RNF135: variants seen among roughly 807,000 people sequenced by gnomAD.
The protein encoded by RNF135 is ring finger protein 135, also known as E3 ubiquitin-protein ligase RNF135.
RNF135 carries 46 observed loss-of-function variants against 41.9 expected under a neutral mutation model. The observed-to-expected ratio is 1.10, with a 90% CI of 0.87 to 1.40. RNF135 has a LOEUF of 1.40. RNF135 is among the 40% of genes most tolerant of loss of function. The pLI is 0.00. For synonymous variants in RNF135, 238 were observed against 223.8 expected, an observed-to-expected ratio of 1.06 and a Z score of -0.57; for missense variants, 539 against 549.8, an observed-to-expected ratio of 0.98 and a Z score of 0.20.
At chr17:30,991,191 T>C (rs1005323613) in intron 3 of RNF135, among the ~76,000 whole-genome samples, 1 of 151,830 alleles carries the variant, frequency 6.6e-6, no homozygotes, top group African/African-American at 2.4e-5. Flanking sequence ...ACCAATCTCA[T>C]GGGTCAAAAT....
chr17:30,964,389 CAAAAAAAAAAA>C, the RNF135 span, among the ~76,000 whole-genome samples: 7 of 37,200 alleles, frequency 1.9e-4, no homozygotes, highest in East Asian at 2.7e-3. Context: ...GACTTCATCT[CAAAAAAAAAAA>C]AAAAAAAAAA....
chr17:30,997,809 T>C (rs553064376), intron 4 of RNF135, among the ~76,000 whole-genome samples: 1 of 152,278 alleles, frequency 6.6e-6, no homozygotes, highest in African/African-American at 2.4e-5. Flanking sequence ...GGTTTCCTCA[T>C]CTGTAAAATG....
At chr17:30,973,620 A>G (rs1906191256) in intron 1 of RNF135, among the ~76,000 whole-genome samples, 1 of 152,042 alleles carries the variant, frequency 6.6e-6, no homozygotes, top group Admixed American at 6.6e-5. Flanking sequence ...GGCGCCTGCC[A>G]CCACACCTGG....
At chr17:30,983,597 A>T (rs1907377420) in intron 1 of RNF135, among the ~76,000 whole-genome samples, 1 of 150,628 alleles carries the variant, frequency 6.6e-6, no homozygotes, top group African/African-American at 2.4e-5. Context: ...CAGGTGATCC[A>T]CCCGCCTCGG....
At chr17:30,984,803 G>C (rs1222065100) in intron 2 of RNF135, 43 bp downstream of exon 2, 1 of 1,601,216 alleles carries the variant, frequency 6.2e-7, no homozygotes, top group African/African-American at 1.3e-5. Flanking sequence ...AGGGAATAGG[G>C]CTAGGGATTG....
intron 1 of RNF135, among the ~76,000 whole-genome samples, chr17:30,974,691 T>TTATTA (rs1567737253): frequency 2.7e-5 from 4 of 148,596 alleles, no homozygotes; most frequent in African/African-American, 1.0e-4. Flanking sequence ...TATTATTATT[T>TTATTA]TTTTTTGAGA....
At position 30,971,153 on chromosome 17, in the gene RNF135, T is replaced by C; in HGVS notation, c.80T>C (p.Leu27Pro). Residue 27 changes from leucine to proline, a missense_variant, in exon 1 of 5, where the codon CTG (leucine) becomes CCG (proline). Around this residue, in one of 2 missense-constraint regions of RNF135, gnomAD observed 277 missense variants for 212.8 expected, o/e 1.30. Transcript: ENST00000328381. ...DDLGCIICQGLLDWPATLPCG... is the reference protein window; with the variant it reads ...DDLGCIICQGPLDWPATLPCG... ...CTCGGCTGCATCATCTGCCAGGGGCTGCTGGACTGGCCCGCCACGCTGCCC... is the reference window on the plus strand; with the variant it reads ...CTCGGCTGCATCATCTGCCAGGGGCCGCTGGACTGGCCCGCCACGCTGCCC... The C allele has an allele frequency of 3.9e-6, 6 of 1,533,288 alleles. No individual in the cohort carries two copies. Among genetic ancestry groups the C allele is most frequent in the Non-Finnish European group, 5.2e-6 (6 of 1,145,704 alleles). The allele number at this position is 1,533,288 out of a possible 1,614,324, so 95.0% of individuals were successfully genotyped here.
In RNF135 at chr17:30,988,064, G is replaced by A. The variant is rs1351030012; in HGVS notation, c.637G>A (p.Glu213Lys). 2.5e-6 allele frequency: 4 copies of A among 1,614,078 alleles called. No individual in the cohort carries two copies. The highest frequency in any genetic ancestry group is 3.4e-6 in the Non-Finnish European group (4 of 1,179,992). ...DLEEIQEKLQ[E>K]SVTWKEAPEA... is the part of the protein sequence containing the mutation. Reference sequence around the variant, plus strand: ...AGAAGAAATTCAGGAAAAATTACAAGAAAGCGTCACCTGGAAAGAGGCTCC... The same window carrying A: ...AGAAGAAATTCAGGAAAAATTACAAAAAAGCGTCACCTGGAAAGAGGCTCC... The change falls in exon 3 of 5, where the codon GAA becomes AAA. Residue 213 changes from glutamate (E) to lysine (K), a missense_variant. By Grantham distance (56) the Glu-to-Lys change is moderately conservative (BLOSUM62 1). This residue lies in a region of RNF135 where 262 missense variants were observed against 336.9 expected (regional missense o/e 0.78). Coordinates refer to ENST00000328381, the MANE Select transcript of RNF135 (RefSeq NM_032322.4).
Position 30,984,628 on chromosome 17 carries a change from GA to G in RNF135, c.386del (p.Lys129ArgfsTer10). ...RPELQRVAVE[K>X]SITEVAQELT... ...TTGCTATTTTGAAGGTGGCAGTAGAGAAGAGCATCACAGAAGTTGCTCAGGA... is the reference window on the plus strand; with the variant it reads ...TTGCTATTTTGAAGGTGGCAGTAGAGAGAGCATCACAGAAGTTGCTCAGGA... On this transcript the variant is annotated frameshift_variant, in exon 2 of 5. Transcript: ENST00000328381. LOFTEE classifies it high-confidence loss of function. The G allele has an allele frequency of 6.2e-7, 1 of 1,614,178 alleles. No homozygotes were observed. The highest frequency in any genetic ancestry group is 8.5e-7 in the Non-Finnish European group (1 of 1,180,036).
Position 30,997,223 on chromosome 17 carries a change from T to G in RNF135, c.680-19T>G, listed in dbSNP as rs1257575595. On this transcript the variant is annotated intron_variant, in intron 3 of 4. Transcript: ENST00000328381. ...TTTTTCTGATGGGACTTTCCTCTGT[T>G]AATTTTTTTGTTACTTAGGAGAACT... 1.9e-6 allele frequency: 3 copies of G among 1,607,412 alleles called. No individual in the cohort carries two copies. The highest frequency in any genetic ancestry group is 1.7e-5 in the Admixed American group (1 of 59,966).
At chr17:30,996,732 G>T (rs915739910) in intron 3 of RNF135, among the ~76,000 whole-genome samples, 5 of 152,198 alleles carry the variant, frequency 3.3e-5, no homozygotes, top group African/African-American at 1.2e-4. Context: ...ACACATGACT[G>T]CTTTAAGTTA....
chr17:30,984,553 G>A, intron 1 of RNF135, 64 bp from the exon 2 acceptor site: 1 of 1,554,700 alleles, frequency 6.4e-7, no homozygotes, highest in Non-Finnish European at 8.9e-7. Context: ...GATTCCCTCT[G>A]TCTAGTGGTG....
At chr17:30,989,538 C>A (rs1209306418) in intron 3 of RNF135, among the ~76,000 whole-genome samples, 2 of 152,200 alleles carry the variant, frequency 1.3e-5, no homozygotes, top group African/African-American at 4.8e-5. Context: ...CTAACACCTT[C>A]CTGTCAGACA....
At position 30,984,834 on chromosome 17, in the gene RNF135, A is replaced by G; in HGVS notation, c.516+74A>G. ...GATTGCTTTCAACTGGAACAACATG[A>G]ACATATTTGAACCTGAAGGATACAA... On this transcript the variant is annotated intron_variant, in intron 2 of 4. Transcript: ENST00000328381. 2.8e-6 allele frequency: 4 copies of G among 1,448,716 alleles called. No individual in the cohort carries two copies. The South Asian group carries it at 4.6e-5, about 17-fold the overall frequency. The allele number at this position is 1,448,716 out of a possible 1,614,324, so 89.7% of individuals were successfully genotyped here.
At chr17:30,960,744 AT>A in the RNF135 span, among the ~76,000 whole-genome samples, 21,995 of 134,516 alleles carry the variant, frequency 0.16, 5,517 homozygotes, top group African/African-American at 0.59. Context: ...ATTTTATTTT[AT>A]TTTTTTTTTT....
intron 2 of RNF135, 31 bp from the exon 3 acceptor site, chr17:30,987,913 A>G (rs748410329): frequency 1.2e-6 from 2 of 1,600,064 alleles, no homozygotes; most frequent in South Asian, 2.2e-5. Flanking sequence ...GGGGACTTCC[A>G]TTTATTCAGT....
At chr17:30,962,172 C>T in the RNF135 span, among the ~76,000 whole-genome samples, 1 of 150,502 alleles carries the variant, frequency 6.6e-6, no homozygotes, top group African/African-American at 2.5e-5. Flanking sequence ...CTCTCTGTGT[C>T]GCCAGGCTGG....
intron 3 of RNF135, chr17:30,993,765 C>A: frequency 1.0e-6 from 1 of 972,284 alleles, no homozygotes; most frequent in Non-Finnish European, 1.5e-6. Flanking sequence ...AAATTTTTTT[C>A]CTTTCTTTTT....
the RNF135 span, among the ~76,000 whole-genome samples, chr17:30,960,731 TTTATTTTATTTTA>T: frequency 4.8e-3 from 658 of 137,802 alleles, 7 homozygotes; most frequent in African/African-American, 0.022. Flanking sequence ...TTTTATTTTA[TTTATTTTATTTTA>T]TTTTTTTTTT....
Sources: gnomAD v4.1 joint callset for allele counts (sites outside exome capture counted in the v4.1 genomes callset) on GRCh38, gnomAD v4.1.1 for gene constraint, gnomAD v4.1.1 regional missense constraint, MANE v1.5 for transcripts, NCBI Gene and HGNC (gene_info 2026-07-23, HGNC 2026-07-21) for gene names.